The following GNPTAB variants were observed in gnomAD, a reference collection of about 807,000 sequenced individuals.
The protein encoded by GNPTAB is N-acetylglucosamine-1-phosphate transferase subunits alpha and beta, also known as N-acetylglucosamine-1-phosphotransferase subunits alpha/beta.
Under a neutral mutation model 136.6 loss-of-function variants are expected in GNPTAB, and 92 were observed. The ratio of observed to expected loss-of-function variants is 0.67; its 90% CI spans 0.57 to 0.80. The LOEUF is 0.80. Ranked by LOEUF, GNPTAB falls within the 30% of genes least tolerant of loss-of-function variation. The pLI is 0.00. For synonymous variants in GNPTAB, 512 were observed against 535.1 expected, an observed-to-expected ratio of 0.96 and a Z score of 0.60; for missense variants, 1,343 against 1,501.8, an observed-to-expected ratio of 0.89 and a Z score of 1.75.
At chr12:101,795,912 T>G (rs1205790792) in intron 2 of GNPTAB, 1 of 251,802 alleles carries the variant, frequency 4.0e-6, no homozygotes. Flanking sequence ...GGAAGGAGGG[T>G]GTTGAAAAAA....
At chr12:101,776,500 AATCCATT>A (rs1487158802) in intron 7 of GNPTAB, among the ~76,000 whole-genome samples, 1 of 152,246 alleles carries the variant, frequency 6.6e-6, no homozygotes, top group Non-Finnish European at 1.5e-5. Context: ...TATGAATTCA[AATCCATT>A]ATCTTACAAA....
At chr12:101,805,703 T>TA (rs900581454) in intron 1 of GNPTAB, among the ~76,000 whole-genome samples, 98 of 152,274 alleles carry the variant, frequency 6.4e-4, no homozygotes, top group African/African-American at 2.3e-3. Context: ...GTTATTTTTT[T>TA]AAAAAATAGC....
chr12:101,768,701 G>T (rs1953129575), intron 10 of GNPTAB, among the ~76,000 whole-genome samples: 1 of 152,068 alleles, frequency 6.6e-6, no homozygotes, highest in Admixed American at 6.6e-5. Flanking sequence ...TAGTGATGGG[G>T]TACATGGTTT....
chr12:101,770,181 C>T lies in GNPTAB; in HGVS notation c.1124G>A (p.Arg375Gln), dbSNP rs745438711. The stretch of plus-strand genomic sequence containing the variant: ...AAAGGTAGGCAAGTGGCTCAAATTT[C>T]GAAAAACATCCTTTTAACAACAACA... The part of the protein sequence containing the change: ...VTIVTHQDVF[R>Q]NLSHLPTFSS... The change falls in exon 10 of 21, where the codon CGA (arginine) becomes CAA (glutamine). Residue 375 changes from arginine to glutamine, a missense_variant. Arg to Gln is a conservative substitution (Grantham distance 43, BLOSUM62 1). Transcript: ENST00000299314. The T allele has an allele frequency of 3.3e-5, 53 of 1,613,792 alleles. No homozygotes were observed. In the Middle Eastern group the frequency reaches 4.9e-4, roughly 15 times the overall value.
At chr12:101,792,277 C>T (rs1296583251) in intron 2 of GNPTAB, among the ~76,000 whole-genome samples, 1 of 152,084 alleles carries the variant, frequency 6.6e-6, no homozygotes, top group Non-Finnish European at 1.5e-5. Flanking sequence ...TGTTCAAGGA[C>T]CCAGAGGCGA....
At chr12:101,764,093 C>A in intron 13 of GNPTAB, 109 bp downstream of exon 13, 1 of 1,399,056 alleles carries the variant, frequency 7.1e-7, no homozygotes, top group Non-Finnish European at 9.9e-7. Context: ...GCATTTAGTT[C>A]CATGGCCGGC....
intron 1 of GNPTAB, among the ~76,000 whole-genome samples, chr12:101,809,294 G>A (rs1870100169): frequency 6.6e-6 from 1 of 152,168 alleles, no homozygotes; most frequent in South Asian, 2.1e-4. Flanking sequence ...CACCAAGCCG[G>A]GAAAGATGTG....
intron 1 of GNPTAB, among the ~76,000 whole-genome samples, chr12:101,809,909 T>A (rs1431907456): frequency 6.6e-6 from 1 of 152,216 alleles, no homozygotes; most frequent in African/African-American, 2.4e-5. Flanking sequence ...GTAATCTATG[T>A]ACATTAGTTA....
chr12:101,761,269 A>T lies in GNPTAB; in HGVS notation c.2993T>A (p.Phe998Tyr). 6.2e-7 allele frequency: 1 copy of T among 1,614,164 alleles called. No individual in the cohort carries two copies. The highest frequency in any genetic ancestry group is 8.5e-7 in the Non-Finnish European group (1 of 1,180,018). The part of the protein sequence containing the change: ...SEDMQFAFSY[F>Y]YYLMSAVQPL... Reference sequence around the variant, plus strand: ...CTGCACTGCACTCATGAGATAATAAAAATAAGAGAAGGCAAACTGCATATC... The same window carrying T: ...CTGCACTGCACTCATGAGATAATAATAATAAGAGAAGGCAAACTGCATATC... The change falls in exon 15 of 21, where the codon TTT becomes TAT. Residue 998 changes from phenylalanine to tyrosine, a missense_variant. By Grantham distance (22) the Phe-to-Tyr change is conservative. Transcript: ENST00000299314.
At chr12:101,809,304 G>A (rs1870100970) in intron 1 of GNPTAB, among the ~76,000 whole-genome samples, 1 of 152,228 alleles carries the variant, frequency 6.6e-6, no homozygotes, top group South Asian at 2.1e-4. Context: ...GGAAAGATGT[G>A]AAGCAACAGG....
At chr12:101,811,408 T>C (rs144844924) in intron 1 of GNPTAB, among the ~76,000 whole-genome samples, 188 of 151,760 alleles carry the variant, frequency 1.2e-3, no homozygotes, top group African/African-American at 4.2e-3. Flanking sequence ...TTTTTTACTC[T>C]ATCTCTGTGG....
At chr12:101,774,538 G>A (rs907821591) in intron 7 of GNPTAB, among the ~76,000 whole-genome samples, 2 of 152,164 alleles carry the variant, frequency 1.3e-5, no homozygotes, top group African/African-American at 4.8e-5. Context: ...GGACAGGGAT[G>A]ATAAAACAAT....
chr12:101,746,473 T>C lies in GNPTAB; in HGVS notation c.*691A>G, dbSNP rs1052960090. The C allele has an allele frequency of 6.6e-6, 1 of 152,364 alleles. No individual in the cohort carries two copies. Among genetic ancestry groups the C allele is most frequent in the Non-Finnish European group, 1.5e-5 (1 of 68,156 alleles). The allele number at this position is 152,364 out of a possible 1,614,324, so 9.4% of individuals were successfully genotyped here. A position where few individuals can be genotyped will look rare whatever the true frequency, so the allele number is the denominator to read the frequency against. On this transcript the variant is annotated 3_prime_UTR_variant, in exon 21 of 21. Transcript: ENST00000299314. ...AACTCTAGCCCTTTGAAATTAGACC[T>C]GCACGTGAAATCATAGCATTCTTAG... is the stretch of plus-strand genomic sequence containing the variant.
intron 1 of GNPTAB, among the ~76,000 whole-genome samples, chr12:101,813,949 T>C (rs915941853): frequency 2.0e-5 from 3 of 151,910 alleles, no homozygotes; most frequent in South Asian, 4.2e-4. Flanking sequence ...TGTGGTGGCA[T>C]GCACCTGTAG....
intron 2 of GNPTAB, 185 bp downstream of exon 2, chr12:101,796,491 GT>G (rs1019929418): frequency 3.6e-5 from 22 of 603,990 alleles, no homozygotes; most frequent in Non-Finnish European, 4.7e-5. Flanking sequence ...TATCGTTCCA[GT>G]TTTTTTTTCC....
At position 101,760,098 on chromosome 12, in the gene GNPTAB, G is replaced by A. The variant is rs201253355; in HGVS notation, c.3181C>T (p.Leu1061Phe). ...TTTAGCTGCGTGATATCAGCAGGAA[G>A]CATTTTTGAGCAATTTATTAGCATG... Reference protein sequence around the residue: ...EHMLINCSKMLPADITQLNNI... With the variant: ...EHMLINCSKMFPADITQLNNI... The change falls in exon 16 of 21, where the codon CTT (leucine) becomes TTT (phenylalanine). Residue 1061 changes from leucine to phenylalanine, a missense_variant. By Grantham distance (22) the Leu-to-Phe change is conservative (BLOSUM62 0). Coordinates refer to ENST00000299314, the MANE Select transcript of GNPTAB (RefSeq NM_024312.5). The A allele has an allele frequency of 1.2e-6, 2 of 1,613,408 alleles. No individual in the cohort carries two copies. The highest frequency in any genetic ancestry group is 1.7e-6 in the Non-Finnish European group (2 of 1,179,372).
intron 4 of GNPTAB, among the ~76,000 whole-genome samples, chr12:101,786,558 T>C (rs1330544208): frequency 2.6e-5 from 4 of 152,134 alleles, no homozygotes; most frequent in Admixed American, 6.6e-5. Context: ...TTGGACAGAT[T>C]AGGAAGGAGG....
At chr12:101,829,177 G>A (rs1871249055) in intron 1 of GNPTAB, among the ~76,000 whole-genome samples, 1 of 152,148 alleles carries the variant, frequency 6.6e-6, no homozygotes, top group South Asian at 2.1e-4. Context: ...AAAGCAAAAA[G>A]AAAAGGATAT....
chr12:101,812,600 A>T (rs750639251), intron 1 of GNPTAB, among the ~76,000 whole-genome samples: 35 of 151,898 alleles, frequency 2.3e-4, no homozygotes, highest in Non-Finnish European at 4.4e-4. Context: ...TCTCTACAAA[A>T]AAATGTAAAA....
Sources: allele counts gnomAD v4.1 joint callset (sites outside exome capture counted in the v4.1 genomes callset), GRCh38; gene constraint gnomAD v4.1.1; transcripts MANE v1.5; gene names NCBI Gene and HGNC (gene_info 2026-07-23, HGNC 2026-07-21).